The following VRK1 variants were observed in gnomAD, a reference collection of about 807,000 sequenced individuals.
The protein encoded by VRK1 is serine/threonine-protein kinase VRK1.
VRK1 carries 33 observed loss-of-function variants against 57.1 expected under a neutral mutation model. The observed-to-expected ratio is 0.58, with a 90% confidence interval of 0.44 to 0.77. The LOEUF is 0.77. Ranked by LOEUF, VRK1 falls within the 30% of genes least tolerant of loss-of-function variation. The pLI is 0.00. For synonymous variants in VRK1, 137 were observed against 147.8 expected (o/e 0.93, Z 0.53); for missense variants, 413 against 477.3 (o/e 0.87, Z 1.25).
chr14:96,800,170 C>G (rs1885602438), intron 1 of VRK1, among the ~76,000 whole-genome samples: 1 of 152,034 alleles, frequency 6.6e-6, no homozygotes, highest in Non-Finnish European at 1.5e-5. Flanking sequence ...CTCTTTTGAT[C>G]AAAATTCCTG....
chr14:96,836,313 C>T (rs1163289034), intron 2 of VRK1, among the ~76,000 whole-genome samples: 7 of 152,014 alleles, frequency 4.6e-5, no homozygotes, highest in Admixed American at 1.3e-4. Context: ...TCTTTATTAC[C>T]ATAGTCTGAT....
At chr14:96,880,719 G>C (rs8013300) in intron 12 of VRK1, among the ~76,000 whole-genome samples, 28,070 of 152,180 alleles carry the variant, frequency 0.18, 3,277 homozygotes, top group Non-Finnish European at 0.26. Flanking sequence ...TGCCTCAAGG[G>C]TGTAGCTAAT....
chr14:96,844,628 G>A (rs951464344), intron 3 of VRK1, among the ~76,000 whole-genome samples: 4 of 152,208 alleles, frequency 2.6e-5, no homozygotes, highest in South Asian at 2.1e-4. Flanking sequence ...TGCAGCCTCC[G>A]CCTCCTGGGT....
chr14:96,865,255 T>G (rs1308019412), intron 11 of VRK1, among the ~76,000 whole-genome samples: 3 of 152,190 alleles, frequency 2.0e-5, no homozygotes, highest in African/African-American at 7.2e-5. Flanking sequence ...GAGTCAGTAT[T>G]TGTTTTCCTT....
intron 11 of VRK1, among the ~76,000 whole-genome samples, chr14:96,869,626 A>G (rs1164869393): frequency 1.3e-5 from 2 of 152,232 alleles, no homozygotes; most frequent in Admixed American, 1.3e-4. Context: ...AATAAGTAAA[A>G]TATAGCTCCA....
At chr14:96,807,532 A>C (rs1200091770) in intron 1 of VRK1, among the ~76,000 whole-genome samples, 1 of 152,238 alleles carries the variant, frequency 6.6e-6, no homozygotes, top group Non-Finnish European at 1.5e-5. Context: ...ATACGTGAGA[A>C]ATAGAGTTGT....
At chr14:96,848,563 T>C (rs367829786) in intron 5 of VRK1, among the ~76,000 whole-genome samples, 9 of 152,204 alleles carry the variant, frequency 5.9e-5, no homozygotes, top group East Asian at 5.8e-4. Context: ...GAAGTCACTT[T>C]TAACATTTTA....
intron 1 of VRK1, among the ~76,000 whole-genome samples, chr14:96,808,709 A>G (rs576541385): frequency 3.4e-5 from 5 of 145,460 alleles, no homozygotes; most frequent in Admixed American, 2.8e-4. Flanking sequence ...TGTGTCTGAG[A>G]TTCATTCATG....
chr14:96,839,199 A>G (rs1280637603), intron 3 of VRK1, among the ~76,000 whole-genome samples: 1 of 150,138 alleles, frequency 6.7e-6, no homozygotes. Context: ...ATAACGTTTT[A>G]ATGGTTCATC....
At chr14:96,825,840 G>A (rs1165450880) in intron 1 of VRK1, among the ~76,000 whole-genome samples, 1 of 152,120 alleles carries the variant, frequency 6.6e-6, no homozygotes, top group Non-Finnish European at 1.5e-5. Context: ...TGACTTTAAA[G>A]AAAATTTCAT....
intron 10 of VRK1, among the ~76,000 whole-genome samples, chr14:96,859,814 G>A (rs1888312854): frequency 6.6e-6 from 1 of 152,084 alleles, no homozygotes; most frequent in East Asian, 1.9e-4. Context: ...TTTAGGGATA[G>A]GTCAAGAGTT....
chr14:96,817,703 T>G (rs757435475), intron 1 of VRK1, among the ~76,000 whole-genome samples: 2 of 152,248 alleles, frequency 1.3e-5, no homozygotes, highest in Non-Finnish European at 2.9e-5. Context: ...TGTAAAAGTT[T>G]GCTCACTAAT....
intron 11 of VRK1, among the ~76,000 whole-genome samples, chr14:96,867,456 AGTGTGTGTGTGTGT>A (rs34415863): frequency 1.3e-4 from 20 of 148,492 alleles, no homozygotes; most frequent in Middle Eastern, 6.9e-3. Flanking sequence ...TCTGTGCACA[AGTGTGTGTGTGTGT>A]GTGTGTGTGT....
intron 2 of VRK1, among the ~76,000 whole-genome samples, chr14:96,837,448 A>G (rs1412891880): frequency 4.6e-5 from 7 of 152,198 alleles, no homozygotes; most frequent in Admixed American, 2.0e-4. Context: ...GGAATTCACA[A>G]TATCCACTAG....
At chr14:96,845,883 T>C (rs150294310) in intron 3 of VRK1, among the ~76,000 whole-genome samples, 9 of 152,332 alleles carry the variant, frequency 5.9e-5, no homozygotes, top group South Asian at 2.1e-4. Context: ...TTATCACTTA[T>C]AGAAATGGAA....
At chr14:96,814,281 C>T (rs1011441224) in intron 1 of VRK1, among the ~76,000 whole-genome samples, 5 of 152,036 alleles carry the variant, frequency 3.3e-5, no homozygotes, top group Admixed American at 6.6e-5. Context: ...ATCTTCAAAA[C>T]ATGAAGGTAT....
intron 1 of VRK1, among the ~76,000 whole-genome samples, chr14:96,798,525 G>T (rs1885531551): frequency 6.6e-6 from 1 of 152,136 alleles, no homozygotes; most frequent in Non-Finnish European, 1.5e-5. Context: ...TGGTTTTAGG[G>T]AACTGTTGAA....
chr14:96,833,012 A>G (rs1311674823), intron 1 of VRK1, among the ~76,000 whole-genome samples: 1 of 152,104 alleles, frequency 6.6e-6, no homozygotes, highest in Non-Finnish European at 1.5e-5. Flanking sequence ...TGTCCCGGGA[A>G]CCTTTGCCCC....
intron 11 of VRK1, among the ~76,000 whole-genome samples, chr14:96,865,161 A>C (rs1888535445): frequency 8.7e-6 from 1 of 115,082 alleles, no homozygotes; most frequent in East Asian, 2.2e-4. Context: ...TAGGATCATG[A>C]AGATATGTTA....
Sources: allele counts gnomAD v4.1 joint callset (sites outside exome capture counted in the v4.1 genomes callset), GRCh38; gene constraint gnomAD v4.1.1; transcripts MANE v1.5; gene names NCBI Gene and HGNC (gene_info 2026-07-23, HGNC 2026-07-21).